NTN1: variants seen among roughly 807,000 people sequenced by gnomAD.
NTN1 encodes the protein netrin 1.
Under a neutral mutation model 54.2 loss-of-function variants are expected in NTN1, and 11 were observed. That is an observed-to-expected ratio of 0.20 (90% CI 0.13 to 0.34). The LOEUF is 0.34. Among genes scored for constraint, NTN1 ranks in the 10% least tolerant of loss-of-function variants. The pLI is 1.00. For missense variants in NTN1, 740 were observed against 893.1 expected (o/e 0.83, Z 2.18); for synonymous variants, 371 against 382.0 (o/e 0.97, Z 0.33).
At chr17:9,104,440 A>G (rs2092159562) in intron 2 of NTN1, among the ~76,000 whole-genome samples, 1 of 152,228 alleles carries the variant, frequency 6.6e-6, no homozygotes, top group African/African-American at 2.4e-5. Flanking sequence ...CATACAGACA[A>G]AGACACACGA....
chr17:9,032,743 A>G (rs1397229632), intron 2 of NTN1, among the ~76,000 whole-genome samples: 1 of 152,092 alleles, frequency 6.6e-6, no homozygotes, highest in African/African-American at 2.4e-5. Flanking sequence ...CCCAGCCCCT[A>G]CCCTCAGCCC....
intron 2 of NTN1, among the ~76,000 whole-genome samples, chr17:9,133,119 T>TCTC (rs923828887): frequency 6.6e-5 from 10 of 151,876 alleles, no homozygotes; most frequent in African/African-American, 1.9e-4. Flanking sequence ...CCTGCCAGCT[T>TCTC]CTAAGCCTGG....
intron 2 of NTN1, among the ~76,000 whole-genome samples, chr17:9,121,938 C>T (rs2092232755): frequency 2.0e-5 from 3 of 152,152 alleles, no homozygotes; most frequent in African/African-American, 7.2e-5. Context: ...CAGTGCCCTT[C>T]TTGATACAGG....
At chr17:9,042,852 C>T (rs558828906) in intron 2 of NTN1, among the ~76,000 whole-genome samples, 65 of 151,384 alleles carry the variant, frequency 4.3e-4, no homozygotes, top group African/African-American at 1.6e-3. Context: ...TGTATCAAGG[C>T]TGTTTTAACC....
chr17:9,191,865 T>TAAAAAAA (rs60675960), intron 5 of NTN1, among the ~76,000 whole-genome samples: 3 of 89,184 alleles, frequency 3.4e-5, no homozygotes, highest in African/African-American at 1.4e-4. Context: ...TTATCGCTAC[T>TAAAAAAA]AAAAAAAAAA....
intron 2 of NTN1, among the ~76,000 whole-genome samples, chr17:9,067,359 A>G (rs187909478): frequency 3.9e-4 from 59 of 152,124 alleles, no homozygotes; most frequent in Non-Finnish European, 3.8e-4. Flanking sequence ...GAAGTTGAGT[A>G]TGAAGCAGGG....
At chr17:9,137,823 C>T (rs2092285745) in intron 2 of NTN1, among the ~76,000 whole-genome samples, 1 of 152,012 alleles carries the variant, frequency 6.6e-6, no homozygotes, top group African/African-American at 2.4e-5. Flanking sequence ...TGTTGACGGG[C>T]ATCTTGGGTA....
At chr17:9,046,174 A>G (rs1309613238) in intron 2 of NTN1, among the ~76,000 whole-genome samples, 2 of 152,346 alleles carry the variant, frequency 1.3e-5, no homozygotes, top group African/African-American at 2.4e-5. Context: ...TGTAAGGAAT[A>G]TGTAATAAAT....
the NTN1 span, among the ~76,000 whole-genome samples, chr17:9,008,983 G>A: frequency 6.6e-6 from 1 of 152,226 alleles, no homozygotes; most frequent in East Asian, 1.9e-4. Flanking sequence ...GGAGGTTGCA[G>A]TGAGCTGAGA....
intron 2 of NTN1, among the ~76,000 whole-genome samples, chr17:9,078,971 G>GT (rs2092060786): frequency 1.3e-5 from 2 of 152,254 alleles, no homozygotes; most frequent in Admixed American, 1.3e-4. Flanking sequence ...CATCTGGAAA[G>GT]AAATAGAACA....
intron 2 of NTN1, among the ~76,000 whole-genome samples, chr17:9,062,524 T>A (rs1189440912): frequency 2.6e-5 from 4 of 152,160 alleles, no homozygotes; most frequent in Non-Finnish European, 4.4e-5. Context: ...TAACACTCGC[T>A]TCTTTGCAGC....
At chr17:9,128,698 C>T (rs982696355) in intron 2 of NTN1, among the ~76,000 whole-genome samples, 2 of 152,084 alleles carry the variant, frequency 1.3e-5, no homozygotes, top group African/African-American at 2.4e-5. Context: ...CTGTGGTGTA[C>T]CGAGGGAGAC....
chr17:9,065,950 A>G (rs1237477423), intron 2 of NTN1, among the ~76,000 whole-genome samples: 1 of 152,246 alleles, frequency 6.6e-6, no homozygotes, highest in Non-Finnish European at 1.5e-5. Flanking sequence ...CTTTAGCCAG[A>G]GATTAAATCC....
At chr17:9,227,296 TACAC>T (rs1040827760) in intron 6 of NTN1, among the ~76,000 whole-genome samples, 3 of 144,608 alleles carry the variant, frequency 2.1e-5, no homozygotes, top group Non-Finnish European at 3.0e-5. Flanking sequence ...CATACACACA[TACAC>T]AATCACAAAC....
At chr17:9,019,988 C>T (rs921198959), upstream of NTN1, among the ~76,000 whole-genome samples, 1 of 152,204 alleles carries the variant, frequency 6.6e-6, no homozygotes, top group East Asian at 1.9e-4. Flanking sequence ...TGAATCCAGG[C>T]TGTCCTGCAA....
chr17:9,062,364 C>T (rs752380700), intron 2 of NTN1, among the ~76,000 whole-genome samples: 19 of 152,160 alleles, frequency 1.2e-4, no homozygotes, highest in Non-Finnish European at 2.6e-4. Flanking sequence ...TACAGACACA[C>T]GGAGCAGCAT....
chr17:9,201,898 A>G (rs1012801119), intron 5 of NTN1, among the ~76,000 whole-genome samples: 4 of 151,572 alleles, frequency 2.6e-5, no homozygotes, highest in Admixed American at 2.6e-4. Flanking sequence ...TTAAGAAATA[A>G]AAGACCGGGC....
At chr17:9,183,856 T>C (rs982770496) in intron 5 of NTN1, among the ~76,000 whole-genome samples, 4 of 152,122 alleles carry the variant, frequency 2.6e-5, no homozygotes, top group African/African-American at 9.7e-5. Flanking sequence ...GCACTCAGAG[T>C]GTACCGAGCC....
rs1905131544 is a variant in NTN1 at position 9,212,536 on chromosome 17, G to A, written c.1412-8632G>A. On this transcript the variant is annotated intron_variant, in intron 5 of 6. Transcript: ENST00000173229. This position sits in a 1 kb window ranked among gnomAD's most constrained non-coding sequence, Gnocchi z 5.5. ...TTTGTCACCTGCTGGTGGGCAGAAT[G>A]GCCCAGCCGAAATGGACAGAGCTGG... Among the ~76,000 whole-genome samples, 4 of 152,198 alleles carry A rather than the reference G, an allele frequency of 2.6e-5. No individual in the cohort carries two copies. Among genetic ancestry groups the A allele is most frequent in the Admixed American group, 2.6e-4 (4 of 15,288 alleles).
Sources: allele counts gnomAD v4.1 joint callset (sites outside exome capture counted in the v4.1 genomes callset), GRCh38; gene constraint gnomAD v4.1.1; non-coding constraint Gnocchi (gnomAD v3.1); transcripts MANE v1.5; gene names NCBI Gene and HGNC (gene_info 2026-07-23, HGNC 2026-07-21).